TRIM37: variants seen among roughly 807,000 people sequenced by gnomAD.
TRIM37 encodes the protein tripartite motif containing 37.
Under a neutral mutation model 129.8 loss-of-function variants are expected in TRIM37, and 80 were observed. That is an observed-to-expected ratio of 0.62 (90% confidence interval 0.51 to 0.74). The LOEUF is 0.74. Among genes scored for constraint, TRIM37 ranks in the 30% least tolerant of loss-of-function variants. The pLI, the probability that TRIM37 is intolerant of heterozygous loss-of-function variation, is 0.00. For synonymous variants in TRIM37, 389 were observed against 387.1 expected (o/e 1.00, Z -0.06); for missense variants, 1,054 against 1,176.5 (o/e 0.90, Z 1.52).
rs184946984 is a variant in TRIM37, at chr17:59,093,736, A to G, written c.124-2396T>C. 1.4e-3 allele frequency among the ~76,000 whole-genome samples: 206 copies of G among 152,224 alleles called. 1 individual carries two copies. Among genetic ancestry groups the G allele is most frequent in the Non-Finnish European group, 2.3e-3 (156 of 68,010 alleles). ...TGCTGCACTATATAACACTGTCGAT[A>G]TATCTGTGCATTTGCTTATATGGTC... On this transcript the variant is annotated intron_variant, in intron 2 of 23. Coordinates refer to ENST00000262294, the MANE Select transcript of TRIM37 (RefSeq NM_015294.6).
chr17:59,077,226 C>G (rs987210013), intron 7 of TRIM37, among the ~76,000 whole-genome samples: 1 of 151,366 alleles, frequency 6.6e-6, no homozygotes, highest in Non-Finnish European at 1.5e-5. Flanking sequence ...TCCTGAGTAG[C>G]TGGGACTACA....
intron 7 of TRIM37, 65 bp downstream of exon 7, chr17:59,079,689 T>C: frequency 1.2e-6 from 2 of 1,603,474 alleles, no homozygotes; most frequent in Middle Eastern, 3.3e-4. Flanking sequence ...CCCTTATTCT[T>C]CAAAGACTGA....
intron 16 of TRIM37, among the ~76,000 whole-genome samples, chr17:59,044,928 G>A (rs904603627): frequency 6.6e-6 from 1 of 152,118 alleles, no homozygotes; most frequent in Non-Finnish European, 1.5e-5. Context: ...AGCTACTATG[G>A]AGGCTGAGGC....
At chr17:59,102,073 A>C (rs1430882003) in intron 2 of TRIM37, among the ~76,000 whole-genome samples, 1 of 152,234 alleles carries the variant, frequency 6.6e-6, no homozygotes, top group Non-Finnish European at 1.5e-5. Context: ...GATCTTGAAC[A>C]AAGTTCAAGA....
intron 22 of TRIM37, among the ~76,000 whole-genome samples, chr17:59,003,828 G>A (rs1261184287): frequency 6.7e-6 from 1 of 149,664 alleles, no homozygotes; most frequent in Non-Finnish European, 1.5e-5. Flanking sequence ...GCACATGCCT[G>A]TAGTCCCAGC....
In TRIM37 at chr17:58,998,823, C is replaced by T. The variant is rs1320735110; in HGVS notation, c.*554G>A. The T allele has an allele frequency of 1.5e-5, 15 of 989,934 alleles. No homozygotes were observed. The highest frequency in any genetic ancestry group is 1.2e-4 in the Admixed American group (2 of 17,184). 61.3% of individuals were successfully genotyped at this position (989,934 alleles called of 1,614,324 possible). ...GTACTTGAACAAGTGAGAGAAGATA[C>T]ATACTCCAAAAAGGAGATTCAGTCT... is the stretch of plus-strand genomic sequence containing the variant. On this transcript the variant is annotated 3_prime_UTR_variant, in exon 24 of 24. Transcript: ENST00000262294.
intron 7 of TRIM37, among the ~76,000 whole-genome samples, chr17:59,078,311 A>G (rs541103059): frequency 5.1e-4 from 78 of 152,276 alleles, no homozygotes; most frequent in African/African-American, 1.7e-3. Flanking sequence ...ATAATTTTTC[A>G]TAATGAAAAA....
intron 16 of TRIM37, among the ~76,000 whole-genome samples, chr17:59,046,551 T>G (rs1311131526): frequency 1.0e-5 from 1 of 96,476 alleles, no homozygotes; most frequent in East Asian, 3.3e-4. Flanking sequence ...TTTTTTTTTT[T>G]TTTTGAGACA....
At chr17:59,053,521 T>C (rs1433915489) in intron 13 of TRIM37, among the ~76,000 whole-genome samples, 1 of 152,160 alleles carries the variant, frequency 6.6e-6, no homozygotes, top group Non-Finnish European at 1.5e-5. Context: ...TTTTTCTTAT[T>C]AGCAACTCAG....
intron 19 of TRIM37, among the ~76,000 whole-genome samples, chr17:59,022,701 T>C (rs1227699536): frequency 6.6e-6 from 1 of 152,222 alleles, no homozygotes; most frequent in Admixed American, 6.5e-5. Context: ...TTAGTAAATG[T>C]TAGCCATTAT....
chr17:58,972,987 A>G, the TRIM37 span: 247 of 1,104,662 alleles, frequency 2.2e-4, no homozygotes, highest in African/African-American at 3.6e-3. Context: ...TCCTGTATCA[A>G]CTCTGATACA....
chr17:59,009,127 T>TC (rs2034920441), intron 22 of TRIM37, among the ~76,000 whole-genome samples: 1 of 152,120 alleles, frequency 6.6e-6, no homozygotes, highest in East Asian at 1.9e-4. Flanking sequence ...TTCTTTTTTT[T>TC]CTTTTCTTCT....
At chr17:59,090,846 G>A (rs995045203) in intron 3 of TRIM37, among the ~76,000 whole-genome samples, 19 of 152,200 alleles carry the variant, frequency 1.2e-4, no homozygotes, top group Non-Finnish European at 2.4e-4. Context: ...GGCTGGTGTC[G>A]AATTCCCGAC....
intron 8 of TRIM37, among the ~76,000 whole-genome samples, chr17:59,074,573 C>T (rs1388130364): frequency 6.6e-6 from 1 of 152,080 alleles, no homozygotes; most frequent in East Asian, 1.9e-4. Flanking sequence ...TCTGACTACC[C>T]TTCCTGGAAA....
chr17:59,032,092 T>C lies in TRIM37; in HGVS notation c.1754-2A>G, dbSNP rs1368625872. On this transcript the variant is annotated splice_acceptor_variant, in intron 17 of 23. Coordinates refer to ENST00000262294, the MANE Select transcript of TRIM37 (RefSeq NM_015294.6). LOFTEE classifies it high-confidence loss of function. ...AACCCACATAACCATGGCTACTACC[T>C]GCAAAAGAGGCGTAGAAAATGATAT... 2 of 1,613,514 alleles carry C rather than the reference T, an allele frequency of 1.2e-6. No homozygotes were observed. The highest frequency in any genetic ancestry group is 1.7e-6 in the Non-Finnish European group (2 of 1,179,986).
intron 24 of TRIM37, among the ~76,000 whole-genome samples, chr17:58,991,130 G>A (rs1201666029): frequency 7.0e-6 from 1 of 142,348 alleles, no homozygotes; most frequent in Non-Finnish European, 1.5e-5. Context: ...AGCTGAGATC[G>A]CAGTATTGCA....
chr17:59,064,116 A>T, intron 10 of TRIM37: 1 of 455,030 alleles, frequency 2.2e-6, no homozygotes, highest in African/African-American at 2.0e-5. Flanking sequence ...TGACAGAGCA[A>T]AACCCAGTCT....
intron 8 of TRIM37, 48 bp from the exon 9 acceptor site, chr17:59,070,995 G>C (rs758619798): frequency 5.5e-5 from 88 of 1,605,238 alleles, no homozygotes; most frequent in Non-Finnish European, 7.1e-5. Context: ...ACTATTCACT[G>C]CCACCTCAAA....
Position 59,079,839 on chromosome 17 carries a change from C to G in TRIM37, c.531G>C (p.Glu177Asp). 6.2e-7 allele frequency: 1 copy of G among 1,614,022 alleles called. No homozygotes were observed. The highest frequency in any genetic ancestry group is 8.5e-7 in the Non-Finnish European group (1 of 1,179,946). ...NVEAVRNAKD[E>D]RVREIRNAVE... Reference sequence around the variant, plus strand: ...CTGCATTCCTAATTTCCCGAACACGCTCATCTTTTGCATTTCTTACAGCTT... The same window carrying G: ...CTGCATTCCTAATTTCCCGAACACGGTCATCTTTTGCATTTCTTACAGCTT... The change falls in exon 7 of 24, where the codon GAG (glutamate) becomes GAC (aspartate). Residue 177 changes from glutamate to aspartate, a missense_variant. Coordinates refer to ENST00000262294, the MANE Select transcript of TRIM37 (RefSeq NM_015294.6).
Sources: gnomAD v4.1 joint callset for allele counts (sites outside exome capture counted in the v4.1 genomes callset) on GRCh38, gnomAD v4.1.1 for gene constraint, MANE v1.5 for transcripts, NCBI Gene and HGNC (gene_info 2026-07-23, HGNC 2026-07-21) for gene names.